Variants in PTPRN2 observed in about 807,000 individuals in gnomAD.
PTPRN2 encodes the protein receptor-type tyrosine-protein phosphatase N2.
PTPRN2 carries 74 observed loss-of-function variants against 118.8 expected under a neutral mutation model. That is an observed-to-expected ratio of 0.62 (90% CI 0.52 to 0.76). PTPRN2 has a LOEUF of 0.76. Among genes scored for constraint, PTPRN2 ranks in the 30% least tolerant of loss-of-function variants. The probability of loss-of-function intolerance (pLI) is 0.00; values close to 1 mark genes in which losing one functional copy is unlikely to be tolerated. For missense variants in PTPRN2, 1,481 were observed against 1,394.4 expected, an observed-to-expected ratio of 1.06 and a Z score of -0.99; for synonymous variants, 641 against 608.0, an observed-to-expected ratio of 1.05 and a Z score of -0.80.
intron 11 of PTPRN2, among the ~76,000 whole-genome samples, chr7:158,020,941 T>C (rs1453394780): frequency 2.0e-5 from 3 of 152,200 alleles, no homozygotes; most frequent in African/African-American, 7.2e-5. Flanking sequence ...TAGAGGAGGC[T>C]GTTCCTAGAC....
intron 3 of PTPRN2, among the ~76,000 whole-genome samples, chr7:158,246,250 C>A (rs1032413338): frequency 6.6e-5 from 10 of 151,768 alleles, no homozygotes; most frequent in Non-Finnish European, 1.2e-4. Context: ...CTTGAAAAAA[C>A]TCATCACTTG....
At chr7:157,551,389 C>T (rs1798588894) in intron 21 of PTPRN2, among the ~76,000 whole-genome samples, 1 of 152,000 alleles carries the variant, frequency 6.6e-6, no homozygotes, top group Non-Finnish European at 1.5e-5. Flanking sequence ...TTTCAAGCAT[C>T]TCAAGTTGGT....
In PTPRN2 at chr7:157,732,003, C is replaced by T. The variant is rs1464223448; in HGVS notation, c.1789-49066G>A. Among the ~76,000 whole-genome samples, 4 of 91,958 alleles carry T rather than the reference C, an allele frequency of 4.3e-5. No individual in the cohort carries two copies. In the East Asian group the frequency reaches 8.4e-4, roughly 19 times the overall value. The allele number at this position is 91,958 out of a possible 152,430, so 60.3% of individuals were successfully genotyped here. The stretch of plus-strand genomic sequence containing the variant: ...TGCGCCCAGCACAGTTACCCTTTCC[C>T]GTCCCATGGCCCAGCACAGTTACCC... On this transcript the variant is annotated intron_variant, in intron 12 of 22. Transcript: ENST00000389418.
At chr7:158,176,557 T>G (rs1824228629) in intron 5 of PTPRN2, among the ~76,000 whole-genome samples, 1 of 151,742 alleles carries the variant, frequency 6.6e-6, no homozygotes, top group South Asian at 2.1e-4. Flanking sequence ...CAGGTCTGGG[T>G]GTGGAGGGAC....
intron 13 of PTPRN2, among the ~76,000 whole-genome samples, chr7:157,673,983 G>T (rs1026112742): frequency 6.6e-6 from 1 of 152,192 alleles, no homozygotes; most frequent in Non-Finnish European, 1.5e-5. Flanking sequence ...CCTTAGAAGC[G>T]ATAAGCTTTC....
intron 14 of PTPRN2, among the ~76,000 whole-genome samples, chr7:157,637,783 C>T (rs1804410903): frequency 6.6e-6 from 1 of 152,352 alleles, no homozygotes; most frequent in South Asian, 2.1e-4. Context: ...AACGCATAGA[C>T]AGCTTCTCCC....
At chr7:157,661,296 G>A (rs1795873302) in intron 13 of PTPRN2, among the ~76,000 whole-genome samples, 1 of 152,294 alleles carries the variant, frequency 6.6e-6, no homozygotes, top group Admixed American at 6.5e-5. Context: ...CCCTGGCAGA[G>A]AGGAAGCCCC....
chr7:158,160,472 G>A (rs1822262173), intron 6 of PTPRN2, among the ~76,000 whole-genome samples: 1 of 152,204 alleles, frequency 6.6e-6, no homozygotes, highest in African/African-American at 2.4e-5. Flanking sequence ...CAGACTGAGA[G>A]TTACATCATC....
At chr7:158,383,569 A>C (rs1313273868) in intron 2 of PTPRN2, among the ~76,000 whole-genome samples, 2 of 152,120 alleles carry the variant, frequency 1.3e-5, no homozygotes, top group South Asian at 2.1e-4. Flanking sequence ...GATCCCAAAA[A>C]ATGATATTTT....
At chr7:158,121,593 A>T (rs1427071526) in intron 9 of PTPRN2, among the ~76,000 whole-genome samples, 2 of 152,190 alleles carry the variant, frequency 1.3e-5, no homozygotes, top group Non-Finnish European at 2.9e-5. Context: ...GTATGAGGAC[A>T]TGGGAGGGGC....
chr7:157,771,904 A>T (rs1359532022), intron 12 of PTPRN2, among the ~76,000 whole-genome samples: 4 of 151,548 alleles, frequency 2.6e-5, no homozygotes, highest in Non-Finnish European at 5.9e-5. Flanking sequence ...AGACACAAAC[A>T]CACACAGACA....
intron 2 of PTPRN2, among the ~76,000 whole-genome samples, chr7:158,482,937 G>T (rs536887585): frequency 6.6e-6 from 1 of 152,132 alleles, no homozygotes; most frequent in African/African-American, 2.4e-5. Flanking sequence ...CCTTCTCCTC[G>T]GAGGCAGGTC....
intron 11 of PTPRN2, among the ~76,000 whole-genome samples, chr7:158,057,483 T>A (rs1160086665): frequency 6.6e-6 from 1 of 152,196 alleles, no homozygotes; most frequent in Admixed American, 6.6e-5. Flanking sequence ...ACCCGAGGAA[T>A]AGCCTCTGCA....
chr7:158,309,664 T>TA (rs1554449540), intron 3 of PTPRN2, among the ~76,000 whole-genome samples: 2 of 152,154 alleles, frequency 1.3e-5, no homozygotes, highest in Non-Finnish European at 2.9e-5. Context: ...AACACTAAGA[T>TA]ACTAAATCCA....
intron 14 of PTPRN2, among the ~76,000 whole-genome samples, chr7:157,644,656 G>A (rs1217012391): frequency 2.6e-5 from 4 of 152,116 alleles, no homozygotes; most frequent in East Asian, 1.9e-4. Context: ...TTAGCCAGGC[G>A]TGGTGGCTAA....
intron 9 of PTPRN2, among the ~76,000 whole-genome samples, chr7:158,114,464 G>A (rs981427868): frequency 6.6e-6 from 1 of 151,276 alleles, no homozygotes; most frequent in Non-Finnish European, 1.5e-5. Context: ...CTCAGCTTCA[G>A]GCAATCTACA....
intron 2 of PTPRN2, among the ~76,000 whole-genome samples, chr7:158,404,886 T>C (rs1586588549): frequency 1.6e-4 from 4 of 24,416 alleles, no homozygotes; most frequent in Non-Finnish European, 7.6e-5. Context: ...GGCCTCCAGC[T>C]CCTCGGCCTC....
intron 11 of PTPRN2, among the ~76,000 whole-genome samples, chr7:157,963,126 A>T (rs1801659709): frequency 6.6e-6 from 1 of 152,210 alleles, no homozygotes; most frequent in Non-Finnish European, 1.5e-5. Context: ...CTCAGCTCTG[A>T]CAGCCACGGT....
chr7:158,327,036 C>A (rs527868192), intron 2 of PTPRN2, among the ~76,000 whole-genome samples: 23 of 152,200 alleles, frequency 1.5e-4, no homozygotes, highest in Non-Finnish European at 8.8e-5. Flanking sequence ...CATTCTCACA[C>A]ATGCACATGT....
Sources: gnomAD v4.1 joint callset for allele counts (sites outside exome capture counted in the v4.1 genomes callset) on GRCh38, gnomAD v4.1.1 for gene constraint, MANE v1.5 for transcripts, NCBI Gene and HGNC (gene_info 2026-07-23, HGNC 2026-07-21) for gene names.